Variants in CFAP298 observed in about 807,000 individuals in gnomAD.
CFAP298 encodes cilia- and flagella-associated protein 298.
A neutral mutation model predicts 41.0 loss-of-function variants in CFAP298; 38 were observed. That is an observed-to-expected ratio of 0.93 (90% CI 0.72 to 1.22). The LOEUF (loss-of-function observed/expected upper bound fraction) is 1.22, where lower values mean the gene tolerates loss of function less well. Ranked by LOEUF, CFAP298 falls within the 50% of genes most tolerant of loss-of-function variation. CFAP298 has a pLI of 0.00. For missense variants in CFAP298, 348 were observed against 360.3 expected, an observed-to-expected ratio of 0.97 and a Z score of 0.28; for synonymous variants, 137 against 135.3, an observed-to-expected ratio of 1.01 and a Z score of -0.09.
At chr21:32,602,854 CG>C (rs1176026388) in intron 5 of CFAP298, 1 of 1,412,804 alleles carries the variant, frequency 7.1e-7, no homozygotes, top group Admixed American at 3.0e-5. Context: ...AAATCAGTGA[CG>C]GGCGAAATTT....
Position 32,609,968 on chromosome 21 carries a change from A to C in CFAP298, c.177T>G (p.Pro59=). The C allele has an allele frequency of 6.2e-7, 1 of 1,613,436 alleles. No homozygotes were observed. The highest frequency in any genetic ancestry group is 8.5e-7 in the Non-Finnish European group (1 of 1,179,800). The change falls in exon 2 of 7, where the codon CCT becomes CCG. Residue 59 remains proline, a synonymous_variant. Coordinates refer to ENST00000290155, the MANE Select transcript of CFAP298 (RefSeq NM_021254.4). ...EELAEHGIFL[P]PNMQGLTDDQ... is the part of the protein sequence containing the mutation. Reference sequence around the variant, plus strand: ...CATCGGTCAGTCCTTGCATATTAGGAGGGAGAAATATGCCATGTTCGGCTA... The same window carrying C: ...CATCGGTCAGTCCTTGCATATTAGGCGGGAGAAATATGCCATGTTCGGCTA...
At chr21:32,609,566 A>C (rs1035145791) in intron 2 of CFAP298, among the ~76,000 whole-genome samples, 4 of 152,238 alleles carry the variant, frequency 2.6e-5, no homozygotes, top group Non-Finnish European at 1.5e-5. Flanking sequence ...CGAGTTCGAG[A>C]CCAGCCTGGC....
At chr21:32,607,927 A>G (rs749965271) in intron 2 of CFAP298, among the ~76,000 whole-genome samples, 7 of 152,206 alleles carry the variant, frequency 4.6e-5, no homozygotes, top group African/African-American at 1.2e-4. Flanking sequence ...TGCTTTACGC[A>G]AAGTGGCAAA....
chr21:32,602,429 G>A (rs2038764744), intron 5 of CFAP298, 62 bp from the exon 6 acceptor site: 15 of 1,565,892 alleles, frequency 9.6e-6, no homozygotes, highest in Non-Finnish European at 1.3e-5. Flanking sequence ...CAATCCTGAA[G>A]TTACAACAAA....
rs912013239 is a variant in CFAP298 at position 32,604,535 on chromosome 21, G to C, written c.376-252C>G. Reference sequence around the variant, plus strand: ...GTGCAAAGAATTCTCAAAGGAGAAAGAGCCCAATGCTGGCAGCACAGATGG... The same window carrying C: ...GTGCAAAGAATTCTCAAAGGAGAAACAGCCCAATGCTGGCAGCACAGATGG... On this transcript the variant is annotated intron_variant, in intron 3 of 6. Transcript: ENST00000290155. The C allele has an allele frequency of 6.9e-5, 33 of 476,196 alleles. No individual in the cohort carries two copies. In the East Asian group the frequency reaches 1.2e-3, roughly 17 times the overall value. The allele number at this position is 476,196 out of a possible 1,614,324, so 29.5% of individuals were successfully genotyped here.
chr21:32,602,235 CG>C (rs777160491), intron 6 of CFAP298, 36 bp downstream of exon 6: 27 of 1,593,076 alleles, frequency 1.7e-5, no homozygotes, highest in Non-Finnish European at 2.3e-5. Flanking sequence ...TATGTGTGGG[CG>C]CCAGCACTGC....
At chr21:32,602,509 G>GC in intron 5 of CFAP298, 142 bp from the exon 6 acceptor site, 1 of 1,443,474 alleles carries the variant, frequency 6.9e-7, no homozygotes, top group Non-Finnish European at 9.1e-7. Context: ...CCGAAGTGAA[G>GC]CATCAAGGGA....
chr21:32,601,112 T>A lies in CFAP298; in HGVS notation c.*751A>T, dbSNP rs1470327628. ...ACCCCGCAGCAGGGTTAGAGAAGTC[T>A]CTCCAGCAAGGCTGGGAGTTCAGCT... On this transcript the variant is annotated 3_prime_UTR_variant, in exon 7 of 7. Coordinates refer to ENST00000290155, the MANE Select transcript of CFAP298 (RefSeq NM_021254.4). Among the ~76,000 whole-genome samples the A allele has an allele frequency of 1.3e-5, 2 of 151,896 alleles. No individual in the cohort carries two copies. Among genetic ancestry groups the A allele is most frequent in the Non-Finnish European group, 2.9e-5 (2 of 67,988 alleles).
At position 32,601,078 on chromosome 21, in the gene CFAP298, T is replaced by C. The variant is rs1220984056; in HGVS notation, c.*785A>G. ...ACCCCGCAGCAGGGTTAAAGAAGGC[T>C]ACAGTTAGACCCCGCAGCAGGGTTA... On this transcript the variant is annotated 3_prime_UTR_variant, in exon 7 of 7. Coordinates refer to ENST00000290155, the MANE Select transcript of CFAP298 (RefSeq NM_021254.4). Among the ~76,000 whole-genome samples, 1 of 151,536 alleles carries C rather than the reference T, an allele frequency of 6.6e-6. No individual in the cohort carries two copies. The highest frequency in any genetic ancestry group is 1.5e-5 in the Non-Finnish European group (1 of 67,998).
At chr21:32,605,078 C>T (rs1434577142) in intron 3 of CFAP298, among the ~76,000 whole-genome samples, 1 of 152,168 alleles carries the variant, frequency 6.6e-6, no homozygotes, top group Non-Finnish European at 1.5e-5. Flanking sequence ...ACTCAGCAGG[C>T]TGAGGCAGGA....
At chr21:32,609,023 C>T (rs1445644790) in intron 2 of CFAP298, among the ~76,000 whole-genome samples, 1 of 152,198 alleles carries the variant, frequency 6.6e-6, no homozygotes, top group Non-Finnish European at 1.5e-5. Flanking sequence ...ATCAATTCCA[C>T]ATGATCAGCC....
chr21:32,611,343 T>TATATATATATATATATATATATATATAAA (rs1568998532), intron 1 of CFAP298, among the ~76,000 whole-genome samples: 1 of 121,138 alleles, frequency 8.3e-6, no homozygotes, highest in African/African-American at 3.9e-5. Context: ...ATATATAATT[T>TATATATATATATATATATATATATATAAA]ATTTATATTT....
At chr21:32,606,089 C>A (rs2038861750) in intron 3 of CFAP298, among the ~76,000 whole-genome samples, 1 of 152,166 alleles carries the variant, frequency 6.6e-6, no homozygotes, top group Non-Finnish European at 1.5e-5. Context: ...AAAACCAAGA[C>A]ACTGTGGTTC....
At position 32,602,858 on chromosome 21, in the gene CFAP298, C is replaced by T. The variant is rs947233415; in HGVS notation, c.666+303G>A. The T allele has an allele frequency of 1.4e-4, 195 of 1,406,966 alleles. 1 individual carries two copies. The highest frequency in any genetic ancestry group is 1.3e-3 in the Middle Eastern group (5 of 3,828). 87.2% of individuals were successfully genotyped at this position (1,406,966 alleles called of 1,614,324 possible). ...GAAAAAGCCTGAAATCAGTGACGGG[C>T]GAAATTTTACATTTCAAGGAACATA... is the stretch of plus-strand genomic sequence containing the variant. On this transcript the variant is annotated intron_variant, in intron 5 of 6. Coordinates refer to ENST00000290155, the MANE Select transcript of CFAP298 (RefSeq NM_021254.4).
chr21:32,608,224 CAA>C (rs751998741), intron 2 of CFAP298, among the ~76,000 whole-genome samples: 15 of 93,932 alleles, frequency 1.6e-4, no homozygotes, highest in African/African-American at 2.0e-4. Flanking sequence ...GCTTAGAAGC[CAA>C]AAAAAAAAAA....
At chr21:32,608,224 C>CAAAAA (rs751998741) in intron 2 of CFAP298, among the ~76,000 whole-genome samples, 13 of 93,930 alleles carry the variant, frequency 1.4e-4, no homozygotes, top group Non-Finnish European at 2.3e-4. Context: ...GCTTAGAAGC[C>CAAAAA]AAAAAAAAAA....
chr21:32,611,343 T>TATATATATATATATATATATATAAA (rs1568998532), intron 1 of CFAP298, among the ~76,000 whole-genome samples: 2 of 121,136 alleles, frequency 1.7e-5, no homozygotes, highest in African/African-American at 3.9e-5. Flanking sequence ...ATATATAATT[T>TATATATATATATATATATATATAAA]ATTTATATTT....
At chr21:32,602,753 C>T in intron 5 of CFAP298, 2 of 1,266,818 alleles carry the variant, frequency 1.6e-6, no homozygotes, top group Non-Finnish European at 9.9e-7. Flanking sequence ...GGCGGCCCCT[C>T]AGGTTACAGC....
chr21:32,604,020 C>G, intron 4 of CFAP298, 105 bp downstream of exon 4: 1 of 1,143,410 alleles, frequency 8.7e-7, no homozygotes, highest in Non-Finnish European at 1.3e-6. Flanking sequence ...AACCTGAAAG[C>G]TGTGTAGGGA....
Sources: gnomAD v4.1 joint callset for allele counts (sites outside exome capture counted in the v4.1 genomes callset) on GRCh38, gnomAD v4.1.1 for gene constraint, MANE v1.5 for transcripts, NCBI Gene and HGNC (gene_info 2026-07-23, HGNC 2026-07-21) for gene names.